SH3GL2: variants seen among roughly 807,000 people sequenced by gnomAD.
SH3GL2 encodes endophilin-A1.
Under a neutral mutation model 46.0 loss-of-function variants are expected in SH3GL2, and 24 were observed. That is an observed-to-expected ratio of 0.52 (90% CI 0.38 to 0.73). SH3GL2 has a LOEUF of 0.73. Ranked by LOEUF, SH3GL2 falls within the 30% of genes least tolerant of loss-of-function variation. The probability of loss-of-function intolerance (pLI) is 0.00; values close to 1 mark genes in which losing one functional copy is unlikely to be tolerated. For synonymous variants in SH3GL2, 196 were observed against 147.1 expected, an observed-to-expected ratio of 1.33 and a Z score of -2.40; for missense variants, 413 against 424.2, an observed-to-expected ratio of 0.97 and a Z score of 0.23.
At chr9:17,756,010 T>G (rs1822978378) in intron 2 of SH3GL2, among the ~76,000 whole-genome samples, 1 of 152,298 alleles carries the variant, frequency 6.6e-6, no homozygotes, top group Non-Finnish European at 1.5e-5. Context: ...ATCAAGATTT[T>G]TTTGTAAGTG....
intron 6 of SH3GL2, chr9:17,790,344 T>C: frequency 1.8e-6 from 1 of 550,668 alleles, no homozygotes; most frequent in African/African-American, 2.0e-5. Context: ...TATCTGGGGA[T>C]CCCTTAATCT....
At chr9:17,620,328 G>A (rs1361663864) in intron 1 of SH3GL2, among the ~76,000 whole-genome samples, 1 of 152,186 alleles carries the variant, frequency 6.6e-6, no homozygotes, top group East Asian at 1.9e-4. Flanking sequence ...ATCCAGTGAG[G>A]AACAAGTGTA....
intron 1 of SH3GL2, among the ~76,000 whole-genome samples, chr9:17,661,194 A>G (rs535470492): frequency 1.3e-5 from 2 of 152,146 alleles, no homozygotes; most frequent in East Asian, 3.9e-4. Flanking sequence ...AACAAAATTA[A>G]TGTTCAGCGT....
At chr9:17,676,119 G>C (rs1162048525) in intron 1 of SH3GL2, among the ~76,000 whole-genome samples, 1 of 152,128 alleles carries the variant, frequency 6.6e-6, no homozygotes. Context: ...TTCTGGTTTA[G>C]GGGCTATGGG....
In SH3GL2 at chr9:17,775,435, T is replaced by C. The variant is rs1489878005; in HGVS notation, c.188-10946T>C. ...CTGTAAAATGGAGAAACAAAACCCATCTGTTGTGTTTTGCAAGGCTGGATG... is the reference window on the plus strand; with the variant it reads ...CTGTAAAATGGAGAAACAAAACCCACCTGTTGTGTTTTGCAAGGCTGGATG... On this transcript the variant is annotated intron_variant, in intron 3 of 8. Transcript: ENST00000380607. Among the ~76,000 whole-genome samples, 5 of 152,266 alleles carry C rather than the reference T, an allele frequency of 3.3e-5. No individual in the cohort carries two copies. The East Asian group carries it at 9.7e-4, about 29-fold the overall frequency.
At chr9:17,642,936 T>C (rs1025593104) in intron 1 of SH3GL2, among the ~76,000 whole-genome samples, 19 of 152,176 alleles carry the variant, frequency 1.2e-4, no homozygotes, top group Non-Finnish European at 2.5e-4. Flanking sequence ...AAGTCAATGG[T>C]AGTTTGATGG....
intron 1 of SH3GL2, among the ~76,000 whole-genome samples, chr9:17,595,739 C>A (rs1346815783): frequency 6.6e-6 from 1 of 151,976 alleles, no homozygotes; most frequent in African/African-American, 2.4e-5. Flanking sequence ...GGGAAACATT[C>A]ATGATTATTG....
intron 1 of SH3GL2, among the ~76,000 whole-genome samples, chr9:17,665,694 G>A (rs1820324851): frequency 6.6e-6 from 1 of 151,592 alleles, no homozygotes; most frequent in Non-Finnish European, 1.5e-5. Flanking sequence ...TTTTTCTGCT[G>A]CATCCTTGGA....
rs183527261 is a variant in SH3GL2 at position 17,653,892 on chromosome 9, A to G, written c.45+74605A>G. The stretch of plus-strand genomic sequence containing the variant: ...GGGCTGATGCAGAAGGTATGTGATG[A>G]CCTATCTTCAAACAGGTAGAAAACA... On this transcript the variant is annotated intron_variant, in intron 1 of 8. Transcript: ENST00000380607. The G allele has an allele frequency of 4.1e-6, 4 of 967,808 alleles. No individual in the cohort carries two copies. In the African/African-American group the frequency reaches 5.3e-5, roughly 13 times the overall value. The allele number at this position is 967,808 out of a possible 1,614,324, so 60.0% of individuals were successfully genotyped here.
chr9:17,657,759 A>T (rs1214309920), intron 1 of SH3GL2, among the ~76,000 whole-genome samples: 1 of 152,178 alleles, frequency 6.6e-6, no homozygotes, highest in South Asian at 2.1e-4. Context: ...TGTTCTTACA[A>T]ATGGTAGTTG....
chr9:17,791,140 A>G, intron 6 of SH3GL2, 91 bp from the exon 7 acceptor site: 1 of 852,568 alleles, frequency 1.2e-6, no homozygotes, highest in South Asian at 1.4e-5. Flanking sequence ...CTGTGTGTTG[A>G]GGGCAGCCCT....
chr9:17,679,382 CT>C (rs775885626), intron 1 of SH3GL2, among the ~76,000 whole-genome samples: 7 of 152,066 alleles, frequency 4.6e-5, no homozygotes, highest in Admixed American at 6.6e-5. Context: ...GTATTTTATT[CT>C]CTTTGAAGCA....
intron 1 of SH3GL2, among the ~76,000 whole-genome samples, chr9:17,702,742 G>A (rs774730671): frequency 1.3e-5 from 2 of 152,000 alleles, no homozygotes; most frequent in Admixed American, 6.6e-5. Context: ...GGAAAAATGA[G>A]TCTTCCAGTA....
chr9:17,648,466 T>G (rs1046161241), intron 1 of SH3GL2, among the ~76,000 whole-genome samples: 5 of 152,204 alleles, frequency 3.3e-5, no homozygotes, highest in African/African-American at 1.2e-4. Flanking sequence ...TTTGGCTTTG[T>G]CTATCTTTTG....
chr9:17,786,641 G>C, intron 4 of SH3GL2, 117 bp downstream of exon 4: 1 of 1,048,196 alleles, frequency 9.5e-7, no homozygotes, highest in African/African-American at 1.6e-5. Flanking sequence ...TTCAGTTTTA[G>C]ATCCTACACA....
intron 3 of SH3GL2, among the ~76,000 whole-genome samples, chr9:17,779,180 A>G (rs1372362794): frequency 6.6e-6 from 1 of 152,138 alleles, no homozygotes; most frequent in East Asian, 1.9e-4. Context: ...TGGTGGCCTA[A>G]CCCACTGGAT....
chr9:17,716,663 A>C (rs1391254663), intron 1 of SH3GL2, among the ~76,000 whole-genome samples: 2 of 152,144 alleles, frequency 1.3e-5, no homozygotes, highest in Non-Finnish European at 2.9e-5. Context: ...GAAACATTTT[A>C]TAGATATCTT....
At chr9:17,635,301 T>G (rs1335864317) in intron 1 of SH3GL2, among the ~76,000 whole-genome samples, 1 of 152,240 alleles carries the variant, frequency 6.6e-6, no homozygotes, top group African/African-American at 2.4e-5. Context: ...TCCATGTCCC[T>G]GCAAAGGACA....
intron 1 of SH3GL2, among the ~76,000 whole-genome samples, chr9:17,682,993 T>G (rs9987530): frequency 0.013 from 2,001 of 152,194 alleles, 59 homozygotes; most frequent in African/African-American, 0.045. Flanking sequence ...CCAGATAGTA[T>G]ACAAAATGAC....
Sources: allele counts gnomAD v4.1 joint callset (sites outside exome capture counted in the v4.1 genomes callset), GRCh38; gene constraint gnomAD v4.1.1; transcripts MANE v1.5; gene names NCBI Gene and HGNC (gene_info 2026-07-23, HGNC 2026-07-21).